Variants in HDAC7 observed in about 807,000 individuals in gnomAD.
The protein encoded by HDAC7 is histone deacetylase 7A.
A neutral mutation model predicts 115.5 loss-of-function variants in HDAC7; 26 were observed. That is an observed-to-expected ratio of 0.23 (90% CI 0.16 to 0.31). The LOEUF is 0.31. Among genes scored for constraint, HDAC7 ranks in the 10% least tolerant of loss-of-function variants. The pLI is 1.00. For missense variants in HDAC7, 1,068 were observed against 1,329.0 expected, an observed-to-expected ratio of 0.80 and a Z score of 3.05; for synonymous variants, 564 against 550.9, an observed-to-expected ratio of 1.02 and a Z score of -0.33.
chr12:47,798,958 A>T lies in HDAC7; in HGVS notation c.85T>A (p.Cys29Ser). Residue 29 changes from cysteine to serine, a missense_variant, in exon 3 of 26, where the codon TGT becomes AGT. Cys to Ser is a moderately radical substitution (Grantham distance 112). This residue lies in a region of HDAC7 where 161 missense variants were observed against 158.5 expected (regional missense o/e 1.02). Transcript: ENST00000080059. The surrounding 1 kb of genome is among the most constrained non-coding windows in gnomAD (Gnocchi z 4.3). ...SPTGAGCPRPCADTPGPQPQP... is the reference protein window; with the variant it reads ...SPTGAGCPRPSADTPGPQPQP... The stretch of plus-strand genomic sequence containing the variant: ...GGCTGAGGGCCTGGTGTGTCTGCAC[A>T]GGGCCTGGGGCAGCCTAGGGACAGA... 1 of 1,513,228 alleles carries T rather than the reference A, an allele frequency of 6.6e-7. No homozygotes were observed. The highest frequency in any genetic ancestry group is 1.3e-5 in the South Asian group (1 of 77,760). 93.7% of individuals were successfully genotyped at this position (1,513,228 alleles called of 1,614,324 possible).
Position 47,795,331 on chromosome 12 carries a change from G to T in HDAC7, c.1137C>A (p.Thr379=), listed in dbSNP as rs1246963408. ...GGCCTGACCCAGAGAGCCGCTCGGT[G>T]GTCATTAAGGACTGGGCAAAGTGGA... ...LPFHFAQSLM[T]TERLSGSGLH... is the part of the protein sequence containing the mutation. Residue 379 remains threonine, a synonymous_variant, in exon 11 of 26, where the codon ACC becomes ACA. Transcript: ENST00000080059. The surrounding 1 kb of genome is among the most constrained non-coding windows in gnomAD (Gnocchi z 4.3). 7 of 1,612,588 alleles carry T rather than the reference G, an allele frequency of 4.3e-6. No individual in the cohort carries two copies. The South Asian group carries it at 6.6e-5, about 15-fold the overall frequency.
intron 12 of HDAC7, among the ~76,000 whole-genome samples, chr12:47,794,202 C>G (rs542634968): frequency 6.6e-6 from 1 of 152,200 alleles, no homozygotes. Flanking sequence ...GGAGAGAGAC[C>G]GGGAACAGCC....
chr12:47,795,476 A>G lies in HDAC7; in HGVS notation c.1088-96T>C, dbSNP rs188922356. 3.1e-4 allele frequency: 422 copies of G among 1,364,974 alleles called. 2 individuals carry two copies. In the African/African-American group the frequency reaches 5.6e-3, roughly 18 times the overall value. The allele number at this position is 1,364,974 out of a possible 1,614,324, so 84.6% of individuals were successfully genotyped here. A position where few individuals can be genotyped will look rare whatever the true frequency, so the allele number is the denominator to read the frequency against. ...TGGGGGGCCAGGGTGCAGCAGGGCA[A>G]TGCGCAGGACAGGGGGACAGAGATG... On this transcript the variant is annotated intron_variant, in intron 10 of 25. Coordinates refer to ENST00000080059, the MANE Select transcript of HDAC7 (RefSeq NM_015401.5). This position sits in a 1 kb window ranked among gnomAD's most constrained non-coding sequence, Gnocchi z 4.3.
Position 47,797,052 on chromosome 12 carries a change from G to T in HDAC7, c.668C>A (p.Pro223His). 1.3e-6 allele frequency: 2 copies of T among 1,597,032 alleles called. No homozygotes were observed. Among genetic ancestry groups the T allele is most frequent in the Non-Finnish European group, 8.5e-7 (1 of 1,172,950 alleles). ...CTCTGCGGGCCGCCGCCGGAGGCTG[G>T]GGGGCGCACTCTCCTTTCGGAGCAG... ...NPLLRKESAP[P>H]SLRRRPAETL... The change falls in exon 7 of 26, where the codon CCC becomes CAC. Residue 223 changes from proline (P) to histidine (H), a missense_variant. This residue lies in a region of HDAC7 where 618 missense variants were observed against 701.5 expected (regional missense o/e 0.88). Coordinates refer to ENST00000080059, the MANE Select transcript of HDAC7 (RefSeq NM_015401.5). The surrounding 1 kb of genome is among the most constrained non-coding windows in gnomAD (Gnocchi z 5.5).
At chr12:47,792,210 T>C (rs1013423449) in intron 13 of HDAC7, 11 of 584,692 alleles carry the variant, frequency 1.9e-5, no homozygotes, top group South Asian at 4.5e-5. Context: ...CCCAGACACT[T>C]CCCCAGGTGG....
intron 1 of HDAC7, among the ~76,000 whole-genome samples, 160 bp downstream of exon 1, chr12:47,819,607 C>G (rs1944959838): frequency 6.6e-6 from 1 of 150,548 alleles, no homozygotes. Context: ...GCGGGACAGG[C>G]GCGGTCGGGG....
intron 14 of HDAC7, 21 bp downstream of exon 14, chr12:47,791,850 G>C (rs150578326): frequency 1.1e-5 from 17 of 1,600,676 alleles, no homozygotes; most frequent in Non-Finnish European, 1.4e-5. Flanking sequence ...CATTCCTCGG[G>C]CCCCACCCGC....
intron 1 of HDAC7, among the ~76,000 whole-genome samples, chr12:47,816,964 G>A (rs368408924): frequency 3.3e-5 from 5 of 152,182 alleles, no homozygotes; most frequent in Non-Finnish European, 7.4e-5. Context: ...TGATCCTAGG[G>A]AGCCAAAAGG....
chr12:47,786,951 C>T lies in HDAC7; in HGVS notation c.2454-248G>A, dbSNP rs994410024. ...GCAGAAAGGAGCCAAGGATGGAGCA[C>T]CAGAGGGAATGAAAGAGGAGTGTGT... On this transcript the variant is annotated intron_variant, in intron 21 of 25. Coordinates refer to ENST00000080059, the MANE Select transcript of HDAC7 (RefSeq NM_015401.5). Among the ~76,000 whole-genome samples, 9 of 152,284 alleles carry T rather than the reference C, an allele frequency of 5.9e-5. No homozygotes were observed. The South Asian group carries it at 1.9e-3, about 32-fold the overall frequency.
At chr12:47,785,955 C>A (rs1214311311) in intron 22 of HDAC7, 70 bp from the exon 23 acceptor site, 1 of 1,429,230 alleles carries the variant, frequency 7.0e-7, no homozygotes, top group African/African-American at 1.4e-5. Flanking sequence ...ACCCCTGTGG[C>A]TTCCCTGCTT....
At chr12:47,794,475 T>C (rs1287791457) in intron 12 of HDAC7, among the ~76,000 whole-genome samples, 1 of 152,196 alleles carries the variant, frequency 6.6e-6, no homozygotes. Flanking sequence ...AGGGCAGGAC[T>C]ATGTGTGGCT....
rs1943642639 is a variant in HDAC7, at chr12:47,793,474, A to T, written c.1573T>A (p.Ser525Thr). 6.4e-7 allele frequency: 1 copy of T among 1,552,486 alleles called. No individual in the cohort carries two copies. The highest frequency in any genetic ancestry group is 2.0e-5 in the Admixed American group (1 of 51,048). ...GGHRPLSRAQ[S>T]SPAAPASLSA... ...AGTGAGGCAGGTGCGGCTGGGGAAG[A>T]CTGAGCCCGGGACAGAGGCCGGTGC... is the stretch of plus-strand genomic sequence containing the variant. The change falls in exon 13 of 26, where the codon TCT becomes ACT. Residue 525 changes from serine to threonine, a missense_variant. Coordinates refer to ENST00000080059, the MANE Select transcript of HDAC7 (RefSeq NM_015401.5). The surrounding 1 kb of genome is among the most constrained non-coding windows in gnomAD (Gnocchi z 4.5).
chr12:47,785,607 G>T, intron 23 of HDAC7, 136 bp from the exon 24 acceptor site: 1 of 1,383,568 alleles, frequency 7.2e-7, no homozygotes, highest in South Asian at 1.4e-5. Flanking sequence ...ACCTAACTTG[G>T]AACAGAGGCT....
intron 1 of HDAC7, chr12:47,818,106 A>G (rs1944900116): frequency 6.6e-6 from 1 of 152,256 alleles, no homozygotes; most frequent in South Asian, 2.1e-4. Flanking sequence ...CTTCAGTGTC[A>G]AAGTGGAGTG....
chr12:47,795,307 G>A lies in HDAC7; in HGVS notation c.1161C>T (p.Gly387=). Residue 387 remains glycine (G), a synonymous_variant, in exon 11 of 26, where the codon GGC becomes GGT. Transcript: ENST00000080059. The surrounding 1 kb of genome is among the most constrained non-coding windows in gnomAD (Gnocchi z 4.3). The stretch of plus-strand genomic sequence containing the variant: ...GAGTCCGGCTCAGTGGCCAGTGGAG[G>A]CCTGACCCAGAGAGCCGCTCGGTGG... The part of the protein sequence containing the change: ...LMTTERLSGS[G]LHWPLSRTRS... 4 of 1,613,150 alleles carry A rather than the reference G, an allele frequency of 2.5e-6. No homozygotes were observed. The highest frequency in any genetic ancestry group is 3.4e-6 in the Non-Finnish European group (4 of 1,179,704).
chr12:47,787,821 G>A lies in HDAC7; in HGVS notation c.2356-12C>T. 6.2e-7 allele frequency: 1 copy of A among 1,607,764 alleles called. No individual in the cohort carries two copies. Among genetic ancestry groups the A allele is most frequent in the African/African-American group, 1.3e-5 (1 of 74,916 alleles). ...CTGCCAGCCCCTACCTGGAAAACAG[G>A]AGGCAAGAGAGACATGAGGACAGCA... On this transcript the variant is annotated splice_polypyrimidine_tract_variant and intron_variant, in intron 20 of 25. Coordinates refer to ENST00000080059, the MANE Select transcript of HDAC7 (RefSeq NM_015401.5).
intron 18 of HDAC7, 52 bp downstream of exon 18, chr12:47,789,471 C>A (rs554732825): frequency 1.9e-6 from 3 of 1,595,152 alleles, no homozygotes; most frequent in Non-Finnish European, 2.6e-6. Flanking sequence ...GAAGGAAGTT[C>A]CTGGGGGCTT....
In HDAC7 at chr12:47,810,693, T is replaced by C. The variant is rs533564584; in HGVS notation, c.20-8419A>G. On this transcript the variant is annotated intron_variant, in intron 1 of 25. Coordinates refer to ENST00000080059, the MANE Select transcript of HDAC7 (RefSeq NM_015401.5). The stretch of plus-strand genomic sequence containing the variant: ...AGGGCTGCCACAGAGGATCAAACGC[T>C]GCGTGAGCTCTCTGGAAACTGTCAA... Among the ~76,000 whole-genome samples the C allele has an allele frequency of 4.6e-5, 7 of 152,334 alleles. No individual in the cohort carries two copies. The East Asian group carries it at 1.3e-3, about 29-fold the overall frequency.
rs747435597 is a variant in HDAC7 at position 47,784,235 on chromosome 12, G to A, written c.2792-18C>T. 20 of 1,603,410 alleles carry A rather than the reference G, an allele frequency of 1.2e-5. No individual in the cohort carries two copies. Among genetic ancestry groups the A allele is most frequent in the Admixed American group, 1.7e-5 (1 of 58,418 alleles). ...GTATTTACCTGGGGTAAGATGCCAG[G>A]TCAGAAAGGGTTGGAGAAAGCAAGC... is the stretch of plus-strand genomic sequence containing the variant. On this transcript the variant is annotated intron_variant, in intron 24 of 25. Transcript: ENST00000080059.
Sources: allele counts gnomAD v4.1 joint callset (sites outside exome capture counted in the v4.1 genomes callset), GRCh38; gene constraint gnomAD v4.1.1; regional missense constraint gnomAD v4.1.1; non-coding constraint Gnocchi (gnomAD v3.1); transcripts MANE v1.5; gene names NCBI Gene and HGNC (gene_info 2026-07-23, HGNC 2026-07-21).